The following CDH12 variants were observed in gnomAD, a reference collection of about 807,000 sequenced individuals.
CDH12 encodes the protein cadherin 12, also known as cadherin-12.
In CDH12, 41 loss-of-function variants were observed where a neutral mutation model predicts 74.1. That is an observed-to-expected ratio of 0.55 (90% CI 0.43 to 0.72). The LOEUF is 0.72. Among genes scored for constraint, CDH12 ranks in the 30% least tolerant of loss-of-function variants. The probability of loss-of-function intolerance (pLI) is 0.00; values close to 1 mark genes in which losing one functional copy is unlikely to be tolerated. For missense variants in CDH12, 945 were observed against 977.2 expected (o/e 0.97, Z 0.44); for synonymous variants, 399 against 355.0 (o/e 1.12, Z -1.39).
intron 5 of CDH12, among the ~76,000 whole-genome samples, chr5:22,076,885 G>A (rs570836977): frequency 5.9e-5 from 9 of 152,008 alleles, no homozygotes; most frequent in African/African-American, 1.9e-4. Flanking sequence ...TCCATTTATC[G>A]TTTGGGGCTC....
chr5:22,684,187 A>T (rs1741641978), intron 1 of CDH12, among the ~76,000 whole-genome samples: 1 of 152,166 alleles, frequency 6.6e-6, no homozygotes, highest in East Asian at 1.9e-4. Flanking sequence ...GAGGGTACAT[A>T]GTAGGTGTAT....
At chr5:22,396,628 G>A (rs1479448021) in intron 3 of CDH12, among the ~76,000 whole-genome samples, 1 of 152,076 alleles carries the variant, frequency 6.6e-6, no homozygotes, top group Non-Finnish European at 1.5e-5. Context: ...GAGGTAGTTA[G>A]TATAAAACAT....
At chr5:22,686,155 G>C (rs552149912) in intron 1 of CDH12, among the ~76,000 whole-genome samples, 1 of 151,966 alleles carries the variant, frequency 6.6e-6, no homozygotes, top group Non-Finnish European at 1.5e-5. Context: ...AAATGATATG[G>C]AATGTCTTTT....
At chr5:21,767,319 T>C (rs1373891716) in intron 11 of CDH12, among the ~76,000 whole-genome samples, 1 of 151,770 alleles carries the variant, frequency 6.6e-6, no homozygotes, top group African/African-American at 2.4e-5. Context: ...TTTTATAATA[T>C]AAGAAAAAGT....
intron 3 of CDH12, among the ~76,000 whole-genome samples, chr5:22,294,665 T>C (rs573664478): frequency 6.6e-6 from 1 of 152,198 alleles, no homozygotes; most frequent in East Asian, 1.9e-4. Flanking sequence ...ATTAGGCAAG[T>C]AAATTGTCAT....
intron 5 of CDH12, among the ~76,000 whole-genome samples, chr5:21,995,215 C>T (rs1050619280): frequency 2.6e-5 from 4 of 151,472 alleles, no homozygotes; most frequent in Non-Finnish European, 2.9e-5. Context: ...AAGAACCTAC[C>T]GGAAGGAACC....
chr5:21,976,658 T>G (rs12109490), intron 5 of CDH12, among the ~76,000 whole-genome samples: 1 of 151,592 alleles, frequency 6.6e-6, no homozygotes, highest in African/African-American at 2.4e-5. Flanking sequence ...TTGATTTCAG[T>G]ATCCAAATTT....
chr5:22,032,261 T>G (rs1357392916), intron 5 of CDH12, among the ~76,000 whole-genome samples: 1 of 152,036 alleles, frequency 6.6e-6, no homozygotes, highest in African/African-American at 2.4e-5. Flanking sequence ...CTATAAGAAA[T>G]TTTTATAACC....
chr5:22,365,385 T>A (rs1740986496), intron 3 of CDH12, among the ~76,000 whole-genome samples: 1 of 152,198 alleles, frequency 6.6e-6, no homozygotes, highest in Non-Finnish European at 1.5e-5. Flanking sequence ...GAAAACAATT[T>A]TGACAGAGAT....
intron 9 of CDH12, among the ~76,000 whole-genome samples, chr5:21,810,384 C>G (rs1358824615): frequency 6.6e-6 from 1 of 152,084 alleles, no homozygotes; most frequent in African/African-American, 2.4e-5. Context: ...AAATTTTAAC[C>G]TGAGTTCTGG....
At chr5:21,984,960 G>C (rs1416669904) in intron 5 of CDH12, among the ~76,000 whole-genome samples, 1 of 151,876 alleles carries the variant, frequency 6.6e-6, no homozygotes, top group East Asian at 1.9e-4. Context: ...CATTGTCACA[G>C]TTTCAGTTAA....
chr5:21,860,902 TC>T (rs1162730833), intron 6 of CDH12, among the ~76,000 whole-genome samples: 3 of 152,076 alleles, frequency 2.0e-5, no homozygotes, highest in Non-Finnish European at 4.4e-5. Flanking sequence ...CACCTTGCGA[TC>T]TTGTGAATCA....
At position 21,802,375 on chromosome 5, in the gene CDH12, C is replaced by A; in HGVS notation, c.1048G>T (p.Ala350Ser). Residue 350 changes from alanine (A) to serine (S), a missense_variant, in exon 10 of 15, where the codon GCT (alanine) becomes TCT (serine). This residue lies in a region of CDH12 where 791 missense variants were observed against 792.8 expected (regional missense o/e 1.00). Transcript: ENST00000382254. ...TKKAYTFKVE[A>S]SNLHLDHRFH... ...CGGTGGTCAAGGTGAAGGTTGGAAG[C>A]CTCAACTTTGAAAGTGTATGCCTTC... The A allele has an allele frequency of 6.2e-7, 1 of 1,613,752 alleles. No homozygotes were observed. Among genetic ancestry groups the A allele is most frequent in the Non-Finnish European group, 8.5e-7 (1 of 1,179,852 alleles).
intron 11 of CDH12, among the ~76,000 whole-genome samples, chr5:21,771,260 T>C (rs1255414688): frequency 6.6e-6 from 1 of 152,038 alleles, no homozygotes; most frequent in Non-Finnish European, 1.5e-5. Context: ...CTACAATAAC[T>C]TCTAGAATGG....
In CDH12 at chr5:21,760,648, G is replaced by A. The variant is rs758315647; in HGVS notation, c.1543C>T (p.Arg515Ter). The change falls in exon 13 of 15, where the codon CGA becomes TGA. Residue 515 changes from arginine to a stop codon, truncating the protein, a stop_gained. Transcript: ENST00000382254. LOFTEE classifies it high-confidence loss of function. ...TGTTGCCCAGCAGGTGAAAGATCTCGGTCTGCAGCACTGACTATCTGAATT... is the reference window on the plus strand; with the variant it reads ...TGTTGCCCAGCAGGTGAAAGATCTCAGTCTGCAGCACTGACTATCTGAATT... ...QIIQIVSAAD[R>*]DLSPAGQQFS... The A allele has an allele frequency of 5.0e-6, 8 of 1,608,682 alleles. No individual in the cohort carries two copies. The highest frequency in any genetic ancestry group is 6.0e-6 in the Non-Finnish European group (7 of 1,175,564).
chr5:22,479,481 T>C (rs570869558), intron 2 of CDH12, among the ~76,000 whole-genome samples: 89 of 152,208 alleles, frequency 5.8e-4, no homozygotes, highest in African/African-American at 2.0e-3. Flanking sequence ...TCCACAGAGA[T>C]TTCATGGCAG....
chr5:22,124,014 C>T (rs1237793453), intron 4 of CDH12, among the ~76,000 whole-genome samples: 1 of 151,658 alleles, frequency 6.6e-6, no homozygotes, highest in East Asian at 1.9e-4. Context: ...GTCTCCCAGG[C>T]TGGAGTGCAG....
At chr5:21,976,739 C>A in intron 5 of CDH12, among the ~76,000 whole-genome samples, 1 of 151,938 alleles carries the variant, frequency 6.6e-6, no homozygotes, top group Non-Finnish European at 1.5e-5. Flanking sequence ...CATTTCTAAC[C>A]ATTTGGGCTA....
intron 10 of CDH12, among the ~76,000 whole-genome samples, chr5:21,786,454 T>C (rs1172675043): frequency 6.6e-6 from 1 of 151,856 alleles, no homozygotes; most frequent in African/African-American, 2.4e-5. Flanking sequence ...ACCCAGCTGG[T>C]TTACTAAATA....
Sources: gnomAD v4.1 joint callset for allele counts (sites outside exome capture counted in the v4.1 genomes callset) on GRCh38, gnomAD v4.1.1 for gene constraint, gnomAD v4.1.1 regional missense constraint, MANE v1.5 for transcripts, NCBI Gene and HGNC (gene_info 2026-07-23, HGNC 2026-07-21) for gene names.